The following CACNA1G variants were observed in gnomAD, a reference collection of about 807,000 sequenced individuals.
CACNA1G encodes the protein voltage-dependent T-type calcium channel subunit alpha-1G.
In CACNA1G, 67 loss-of-function variants were observed where a neutral mutation model predicts 219.4. The observed-to-expected ratio is 0.31, with a 90% CI of 0.25 to 0.37. CACNA1G has a LOEUF of 0.37. Ranked by LOEUF, CACNA1G falls within the 10% of genes least tolerant of loss-of-function variation. CACNA1G has a pLI of 1.00. For synonymous variants in CACNA1G, 1,296 were observed against 1,345.3 expected, an observed-to-expected ratio of 0.96 and a Z score of 0.80; for missense variants, 2,380 against 3,231.4, an observed-to-expected ratio of 0.74 and a Z score of 6.39.
In CACNA1G at chr17:50,561,486, C is replaced by T; in HGVS notation, c.27C>T (p.Gly9=). ...TGGACGAGGAGGAGGATGGAGCGGGCGCCGAGGAGTCGGGACAGCCCCGGA... is the reference window on the plus strand; with the variant it reads ...TGGACGAGGAGGAGGATGGAGCGGGTGCCGAGGAGTCGGGACAGCCCCGGA... The part of the protein sequence containing the change: MDEEEDGA[G]AEESGQPRSF... Residue 9 remains glycine (G), a synonymous_variant, in exon 1 of 38, where the codon GGC becomes GGT. Coordinates refer to ENST00000359106, the MANE Select transcript of CACNA1G (RefSeq NM_018896.5). The T allele has an allele frequency of 6.5e-7, 1 of 1,534,964 alleles. No individual in the cohort carries two copies. Among genetic ancestry groups the T allele is most frequent in the Non-Finnish European group, 8.7e-7 (1 of 1,146,526 alleles).
At chr17:50,609,529 A>T (rs1598613068) in intron 25 of CACNA1G, among the ~76,000 whole-genome samples, 1 of 150,968 alleles carries the variant, frequency 6.6e-6, no homozygotes, top group East Asian at 1.9e-4. Context: ...GGCAGGCGGC[A>T]CTTGTGGCCC....
At chr17:50,580,111 A>G (rs2041613222) in intron 9 of CACNA1G, among the ~76,000 whole-genome samples, 1 of 151,756 alleles carries the variant, frequency 6.6e-6, no homozygotes, top group South Asian at 2.1e-4. Context: ...AGGTGGAGAG[A>G]GAGTGGGACC....
intron 1 of CACNA1G, among the ~76,000 whole-genome samples, chr17:50,565,958 C>T (rs954441449): frequency 2.0e-5 from 3 of 152,148 alleles, no homozygotes; most frequent in Admixed American, 6.5e-5. Context: ...TCCACTCCAG[C>T]CCGGACAGTC....
intron 22 of CACNA1G, among the ~76,000 whole-genome samples, chr17:50,604,569 G>A (rs1481929526): frequency 6.6e-6 from 1 of 152,242 alleles, no homozygotes; most frequent in Non-Finnish European, 1.5e-5. Context: ...GAGCACAGAC[G>A]CTGGCCCGCG....
In CACNA1G at chr17:50,600,800, A is replaced by G; in HGVS notation, c.3765A>G (p.Ser1255=). ...PACCLERDSW[S]AYIFPPQSRF... is the part of the protein sequence containing the mutation. Reference sequence around the variant, plus strand: ...GCTGCCTCGAGCGAGACTCCTGGTCAGCCTACATCTTCCCTCCTCAGTCCA... The same window carrying G: ...GCTGCCTCGAGCGAGACTCCTGGTCGGCCTACATCTTCCCTCCTCAGTCCA... Residue 1255 remains serine (S), a synonymous_variant, in exon 18 of 38, where the codon TCA becomes TCG. Coordinates refer to ENST00000359106, the MANE Select transcript of CACNA1G (RefSeq NM_018896.5). This position sits in a 1 kb window ranked among gnomAD's most constrained non-coding sequence, Gnocchi z 4.1. 6.2e-7 allele frequency: 1 copy of G among 1,613,856 alleles called. No individual in the cohort carries two copies.
At chr17:50,574,571 C>G (rs539946403) in intron 7 of CACNA1G, among the ~76,000 whole-genome samples, 2 of 152,060 alleles carry the variant, frequency 1.3e-5, no homozygotes, top group African/African-American at 2.4e-5. Flanking sequence ...GTGCCCCCCC[C>G]ACCCCCACTC....
intron 9 of CACNA1G, among the ~76,000 whole-genome samples, chr17:50,584,277 G>A (rs901068239): frequency 1.3e-5 from 2 of 152,128 alleles, no homozygotes; most frequent in African/African-American, 4.8e-5. Flanking sequence ...TGGGGGTACT[G>A]GTGGAGGGAG....
chr17:50,577,158 C>T (rs758250465), intron 8 of CACNA1G, among the ~76,000 whole-genome samples: 3 of 152,142 alleles, frequency 2.0e-5, no homozygotes, highest in African/African-American at 4.8e-5. Context: ...TACCCTGCCA[C>T]GGGACGTGGG....
intron 26 of CACNA1G, 115 bp from the exon 27 acceptor site, chr17:50,615,246 T>G: frequency 3.8e-6 from 4 of 1,054,238 alleles, no homozygotes; most frequent in Non-Finnish European, 5.2e-6. Context: ...ATGGTGATGA[T>G]TATGGAATGT....
At chr17:50,610,419 C>T (rs887073376) in intron 26 of CACNA1G, among the ~76,000 whole-genome samples, 1 of 152,216 alleles carries the variant, frequency 6.6e-6, no homozygotes, top group Non-Finnish European at 1.5e-5. Flanking sequence ...GCTGCGTCAT[C>T]GCTACAAACA....
chr17:50,627,427 C>CTA lies in CACNA1G; in HGVS notation c.*678_*679dup, dbSNP rs1447207198. ...TATATATACATACATACATATCTATCTATCTATCTATATATATATAAAATA... is the reference window on the plus strand; with the variant it reads ...TATATATACATACATACATATCTATCTATATCTATCTATATATATATAAAATA... On this transcript the variant is annotated 3_prime_UTR_variant, in exon 38 of 38. Coordinates refer to ENST00000359106, the MANE Select transcript of CACNA1G (RefSeq NM_018896.5). 6.1e-6 allele frequency: 2 copies of CTA among 329,914 alleles called. No homozygotes were observed. Among genetic ancestry groups the CTA allele is most frequent in the African/African-American group, 4.4e-5 (2 of 45,646 alleles). 20.4% of individuals were successfully genotyped at this position (329,914 alleles called of 1,614,324 possible).
At position 50,608,000 on chromosome 17, in the gene CACNA1G, A is replaced by G. The variant is rs1299445678; in HGVS notation, c.4686A>G (p.Arg1562=). 3 of 1,610,666 alleles carry G rather than the reference A, an allele frequency of 1.9e-6. No homozygotes were observed. In the African/African-American group the frequency reaches 4.0e-5, roughly 21 times the overall value. The change falls in exon 25 of 38, where the codon AGA becomes AGG. Residue 1562 remains arginine (R), a synonymous_variant. Coordinates refer to ENST00000359106, the MANE Select transcript of CACNA1G (RefSeq NM_018896.5). The part of the protein sequence containing the change: ...ARRREEKRLR[R]LEKKRRNLML... ...GGCGGGAGGAGAAGCGCCTACGAAG[A>G]CTGGAGAAAAAGAGAAGGAGTAAGG...
At chr17:50,586,829 C>T (rs1294004039) in intron 9 of CACNA1G, among the ~76,000 whole-genome samples, 1 of 152,188 alleles carries the variant, frequency 6.6e-6, no homozygotes, top group Non-Finnish European at 1.5e-5. Flanking sequence ...TGGGGAGCCC[C>T]GGTGCTGGGA....
Position 50,627,308 on chromosome 17 carries a change from A to C in CACNA1G, c.*557A>C, listed in dbSNP as rs1567815463. The C allele has an allele frequency of 2.3e-6, 1 of 428,622 alleles. No individual in the cohort carries two copies. Among genetic ancestry groups the C allele is most frequent in the Non-Finnish European group, 4.7e-6 (1 of 212,752 alleles). 26.6% of individuals were successfully genotyped at this position (428,622 alleles called of 1,614,324 possible). A position where few individuals can be genotyped will look rare whatever the true frequency, so the allele number is the denominator to read the frequency against. On this transcript the variant is annotated 3_prime_UTR_variant, in exon 38 of 38. Transcript: ENST00000359106. ...GAACCATTTTGGAAACTGTAATGTA[A>C]CTTATTTTTTCCTTTAACCTCGTCA...
chr17:50,605,847 C>T lies in CACNA1G; in HGVS notation c.4297-51C>T, dbSNP rs926764990. ...GGGGGTGGGGCTCAGGAGTCCTGGG[C>T]TTCCTGTGGTCACAGCTCACTTTTC... On this transcript the variant is annotated intron_variant, in intron 22 of 37. Transcript: ENST00000359106. 10 of 1,606,578 alleles carry T rather than the reference C, an allele frequency of 6.2e-6. 1 individual carries two copies. Among genetic ancestry groups the T allele is most frequent in the South Asian group, 4.4e-5 (4 of 90,236 alleles).
In CACNA1G at chr17:50,561,633, G is replaced by T; in HGVS notation, c.174G>T (p.Pro58=). The change falls in exon 1 of 38, where the codon CCG becomes CCT. Residue 58 remains proline, a synonymous_variant. Transcript: ENST00000359106. ...AEGLPYPALA[P]VVFFYLSQDS... ...GGCTGCCGTACCCGGCGCTGGCCCC[G>T]GTGGTTTTCTTCTACTTGAGCCAGG... The T allele has an allele frequency of 1.2e-6, 2 of 1,604,482 alleles. No homozygotes were observed. Among genetic ancestry groups the T allele is most frequent in the Non-Finnish European group, 8.5e-7 (1 of 1,176,466 alleles).
chr17:50,564,218 G>A (rs922210725), intron 1 of CACNA1G, among the ~76,000 whole-genome samples: 7 of 150,908 alleles, frequency 4.6e-5, no homozygotes, highest in Non-Finnish European at 7.4e-5. Context: ...TGGAGAGCAG[G>A]GGTACTGGCA....
chr17:50,599,451 C>T lies in CACNA1G; in HGVS notation c.3282C>T (p.His1094=). The T allele has an allele frequency of 1.3e-6, 2 of 1,563,750 alleles. No individual in the cohort carries two copies. The highest frequency in any genetic ancestry group is 2.4e-5 in the East Asian group (1 of 41,854). Residue 1094 remains histidine (H), a synonymous_variant, in exon 17 of 38, where the codon CAC becomes CAT. Coordinates refer to ENST00000359106, the MANE Select transcript of CACNA1G (RefSeq NM_018896.5). The stretch of plus-strand genomic sequence containing the variant: ...AGCCCAGCGCCCGCAGCTCTCCGCA[C>T]AGCCCCTGGAGCGCTGCAAGCAGCT... ...KSPPSARSSP[H]SPWSAASSWT...
chr17:50,590,596 C>T lies in CACNA1G; in HGVS notation c.2427C>T (p.Ile809=). The part of the protein sequence containing the change: ...PFGYIKNPYN[I]FDGVIVVISV... ...GCTACATCAAGAATCCCTACAACATCTTCGATGGTGTCATTGTGGTCATCA... is the reference window on the plus strand; with the variant it reads ...GCTACATCAAGAATCCCTACAACATTTTCGATGGTGTCATTGTGGTCATCA... Residue 809 remains isoleucine (I), a synonymous_variant, in exon 10 of 38, where the codon ATC becomes ATT. Coordinates refer to ENST00000359106, the MANE Select transcript of CACNA1G (RefSeq NM_018896.5). 1 of 1,613,970 alleles carries T rather than the reference C, an allele frequency of 6.2e-7. No homozygotes were observed. Among genetic ancestry groups the T allele is most frequent in the Non-Finnish European group, 8.5e-7 (1 of 1,179,866 alleles).
Sources: gnomAD v4.1 joint callset for allele counts (sites outside exome capture counted in the v4.1 genomes callset) on GRCh38, gnomAD v4.1.1 for gene constraint, Gnocchi (gnomAD v3.1) non-coding constraint, MANE v1.5 for transcripts, NCBI Gene and HGNC (gene_info 2026-07-23, HGNC 2026-07-21) for gene names.